The following ZMIZ1 variants were observed in gnomAD, a reference collection of about 807,000 sequenced individuals.
The protein encoded by ZMIZ1 is zinc finger MIZ domain-containing protein 1.
ZMIZ1 carries 17 observed loss-of-function variants against 113.9 expected under a neutral mutation model. That is an observed-to-expected ratio of 0.15 (90% CI 0.10 to 0.22). The LOEUF is 0.22. ZMIZ1 is among the 10% of genes least tolerant of loss of function. The pLI, the probability that ZMIZ1 is intolerant of heterozygous loss-of-function variation, is 1.00. For synonymous variants in ZMIZ1, 607 were observed against 603.1 expected, an observed-to-expected ratio of 1.01 and a Z score of -0.09; for missense variants, 1,059 against 1,477.8, an observed-to-expected ratio of 0.72 and a Z score of 4.65.
At chr10:79,081,697 C>G (rs373080076) in intron 1 of ZMIZ1, among the ~76,000 whole-genome samples, 1 of 152,202 alleles carries the variant, frequency 6.6e-6, no homozygotes, top group Non-Finnish European at 1.5e-5. Flanking sequence ...CGCATCTTGC[C>G]TAAGTGTCTA....
chr10:79,117,350 CTTCTTG>C (rs1844080969), intron 1 of ZMIZ1, among the ~76,000 whole-genome samples: 1 of 152,238 alleles, frequency 6.6e-6, no homozygotes, highest in Admixed American at 6.5e-5. Flanking sequence ...TCTTTTTGCC[CTTCTTG>C]ACCTTTATAT....
intron 1 of ZMIZ1, among the ~76,000 whole-genome samples, chr10:79,078,669 T>C (rs2132174330): frequency 2.1e-5 from 3 of 143,476 alleles, no homozygotes; most frequent in African/African-American, 7.8e-5. Flanking sequence ...CACATCCTCC[T>C]GAGTAGCTGG....
intron 2 of ZMIZ1, among the ~76,000 whole-genome samples, chr10:79,136,510 C>G (rs12572276): frequency 6.6e-6 from 1 of 152,206 alleles, no homozygotes; most frequent in African/African-American, 2.4e-5. Context: ...AGAGTCAGCC[C>G]TAGGTTGCTG....
chr10:79,094,124 A>G (rs1238748351), intron 1 of ZMIZ1, among the ~76,000 whole-genome samples: 2 of 152,234 alleles, frequency 1.3e-5, no homozygotes, highest in Admixed American at 6.5e-5. Flanking sequence ...TTGGACAGAA[A>G]GGGCCTAATT....
At chr10:79,292,803 T>C in intron 11 of ZMIZ1, 1 of 463,090 alleles carries the variant, frequency 2.2e-6, no homozygotes, top group Non-Finnish European at 4.3e-6. Flanking sequence ...CTCCCTGACC[T>C]TCTGAAGGAT....
At chr10:79,215,302 C>CA (rs553822984) in intron 6 of ZMIZ1, among the ~76,000 whole-genome samples, 1 of 140,124 alleles carries the variant, frequency 7.1e-6, no homozygotes, top group Non-Finnish European at 1.6e-5. Flanking sequence ...TAAATCACCG[C>CA]TTTTTTTTTT....
chr10:79,310,882 T>C lies in ZMIZ1; in HGVS notation c.2836-42T>C, dbSNP rs759129189. 1.9e-6 allele frequency: 3 copies of C among 1,586,674 alleles called. No individual in the cohort carries two copies. The Admixed American group carries it at 5.2e-5, about 27-fold the overall frequency. ...CTCCAGGCATCATCGCCGTGCCTCCTCACCTCACCTCTCTTCTCTCCCGCT... is the reference window on the plus strand; with the variant it reads ...CTCCAGGCATCATCGCCGTGCCTCCCCACCTCACCTCTCTTCTCTCCCGCT... On this transcript the variant is annotated intron_variant, in intron 23 of 24. Transcript: ENST00000334512.
chr10:79,200,224 T>C (rs1848015814), intron 4 of ZMIZ1, among the ~76,000 whole-genome samples: 3 of 152,134 alleles, frequency 2.0e-5, no homozygotes, highest in Non-Finnish European at 4.4e-5. Context: ...GATCCAAGTG[T>C]CTGCAGCCTG....
At chr10:79,252,870 T>C (rs1172554743) in intron 7 of ZMIZ1, among the ~76,000 whole-genome samples, 1 of 152,256 alleles carries the variant, frequency 6.6e-6, no homozygotes, top group Non-Finnish European at 1.5e-5. Flanking sequence ...AATGTGGCAT[T>C]TCTTCAAGTT....
intron 2 of ZMIZ1, among the ~76,000 whole-genome samples, chr10:79,138,556 AAGAG>A (rs1185747607): frequency 2.0e-5 from 3 of 152,156 alleles, no homozygotes; most frequent in South Asian, 4.1e-4. Flanking sequence ...CAGTGCTAGA[AAGAG>A]AGACAGTACT....
At chr10:79,157,492 C>T (rs570796073) in intron 3 of ZMIZ1, among the ~76,000 whole-genome samples, 1 of 152,144 alleles carries the variant, frequency 6.6e-6, no homozygotes, top group Admixed American at 6.5e-5. Flanking sequence ...GGCAGTGTGA[C>T]CCTCTCCCCT....
intron 1 of ZMIZ1, among the ~76,000 whole-genome samples, chr10:79,070,580 G>C (rs1332623660): frequency 6.6e-6 from 1 of 151,552 alleles, no homozygotes; most frequent in Non-Finnish European, 1.5e-5. Flanking sequence ...CGGCACTGCC[G>C]CCCAGCCCTA....
At chr10:79,143,717 AACGG>A (rs1845365172) in intron 3 of ZMIZ1, among the ~76,000 whole-genome samples, 1 of 151,782 alleles carries the variant, frequency 6.6e-6, no homozygotes, top group African/African-American at 2.4e-5. Flanking sequence ...CTTGGTCAGG[AACGG>A]CTGCACACAG....
chr10:79,143,461 G>A (rs920065238), intron 3 of ZMIZ1, among the ~76,000 whole-genome samples: 13 of 152,230 alleles, frequency 8.5e-5, no homozygotes, highest in Non-Finnish European at 1.2e-4. Flanking sequence ...CCCCTTCAGC[G>A]TGCAGCTCTA....
chr10:79,240,058 C>A (rs1239556557), intron 7 of ZMIZ1, among the ~76,000 whole-genome samples: 1 of 152,218 alleles, frequency 6.6e-6, no homozygotes, highest in Non-Finnish European at 1.5e-5. Flanking sequence ...CTCGCCAGGG[C>A]CCACGGCAGG....
intron 3 of ZMIZ1, among the ~76,000 whole-genome samples, chr10:79,146,239 G>C (rs551353543): frequency 1.3e-5 from 2 of 152,266 alleles, no homozygotes; most frequent in East Asian, 3.9e-4. Flanking sequence ...AAGAGATGTG[G>C]CGTCCTTCTG....
chr10:79,238,496 C>G (rs1465904488), intron 7 of ZMIZ1, among the ~76,000 whole-genome samples: 1 of 152,172 alleles, frequency 6.6e-6, no homozygotes. Context: ...CACACAAATG[C>G]TTACAAATGC....
intron 10 of ZMIZ1, 112 bp from the exon 11 acceptor site, chr10:79,292,045 TC>T (rs150701924): frequency 0.038 from 39,876 of 1,051,046 alleles, 932 homozygotes; most frequent in Middle Eastern, 0.05. Context: ...AGAGGCCCCG[TC>T]CCCTCTAGGT....
intron 21 of ZMIZ1, 24 bp from the exon 22 acceptor site, chr10:79,306,076 G>T: frequency 6.2e-7 from 1 of 1,605,030 alleles, no homozygotes. Flanking sequence ...CGGAGCCTCA[G>T]CTCTGCCACC....
Sources: allele counts gnomAD v4.1 joint callset (sites outside exome capture counted in the v4.1 genomes callset), GRCh38; gene constraint gnomAD v4.1.1; transcripts MANE v1.5; gene names NCBI Gene and HGNC (gene_info 2026-07-23, HGNC 2026-07-21).